The following HPS4 variants were observed in gnomAD, a reference collection of about 807,000 sequenced individuals.
HPS4 encodes the protein HPS4 biogenesis of lysosomal organelles complex 3 subunit 2, also known as BLOC-3 complex member HPS4.
A neutral mutation model predicts 70.3 loss-of-function variants in HPS4; 44 were observed. The observed-to-expected ratio is 0.63, with a 90% confidence interval of 0.49 to 0.80. HPS4 has a LOEUF of 0.80. HPS4 is among the 30% of genes least tolerant of loss of function. HPS4 has a pLI of 0.00. For synonymous variants in HPS4, 377 were observed against 355.9 expected (o/e 1.06, Z -0.67); for missense variants, 873 against 884.4 (o/e 0.99, Z 0.16).
In HPS4 at chr22:26,464,635, T is replaced by G. The variant is rs2088104199; in HGVS notation, c.995A>C (p.Asp332Ala). The G allele has an allele frequency of 6.2e-7, 1 of 1,613,818 alleles. No homozygotes were observed. Among genetic ancestry groups the G allele is most frequent in the African/African-American group, 1.3e-5 (1 of 75,060 alleles). The change falls in exon 11 of 14, where the codon GAT (aspartate) becomes GCT (alanine). Residue 332 changes from aspartate (D) to alanine (A), a missense_variant. Asp to Ala is a moderately radical substitution (Grantham distance 126). Coordinates refer to ENST00000398145, the MANE Select transcript of HPS4 (RefSeq NM_022081.6). ...TCCTGCGGGCCTGATGCTCTCCAGA[T>G]CATGGCCAGACAAGCATCCGTTCTC... ...RKENGCLSGH[D>A]LESIRPAGLH...
chr22:26,483,468 G>A (rs2091515620), intron 1 of HPS4, among the ~76,000 whole-genome samples: 1 of 152,252 alleles, frequency 6.6e-6, no homozygotes, highest in South Asian at 2.1e-4. Flanking sequence ...GCTAATGGCT[G>A]GAAAAGGGCC....
At position 26,464,296 on chromosome 22, in the gene HPS4, T is replaced by G; in HGVS notation, c.1334A>C (p.Asp445Ala). 6.2e-7 allele frequency: 1 copy of G among 1,614,034 alleles called. No homozygotes were observed. The highest frequency in any genetic ancestry group is 1.1e-5 in the South Asian group (1 of 91,090). ...TQHGAQEQLE[D>A]HPGHSSQAPI... ...GGCTTGGCTGCTATGGCCAGGATGG[T>G]CTTCGAGCTGCTCTTGGGCTCCATG... is the stretch of plus-strand genomic sequence containing the variant. The change falls in exon 11 of 14, where the codon GAC (aspartate) becomes GCC (alanine). Residue 445 changes from aspartate (D) to alanine (A), a missense_variant. Transcript: ENST00000398145.
rs2085137959 is a variant in HPS4, at chr22:26,450,930, G to A, written c.*2303C>T. 6.6e-6 allele frequency among the ~76,000 whole-genome samples: 1 copy of A among 152,198 alleles called. No homozygotes were observed. Among genetic ancestry groups the A allele is most frequent in the Admixed American group, 6.5e-5 (1 of 15,286 alleles). ...TCGGGTATGTCTTTATTAGAACCGT[G>A]AGAACGGACTAACACACCACTATTA... On this transcript the variant is annotated 3_prime_UTR_variant, in exon 14 of 14. Transcript: ENST00000398145.
intron 9 of HPS4, 148 bp downstream of exon 9, chr22:26,466,078 T>G: frequency 6.3e-7 from 1 of 1,576,410 alleles, no homozygotes; most frequent in Non-Finnish European, 8.6e-7. Context: ...GTAACTCGAT[T>G]CTTGAAGCTC....
Position 26,470,710 on chromosome 22 carries a change from G to C in HPS4, c.596+9C>G. On this transcript the variant is annotated intron_variant, in intron 7 of 13. Coordinates refer to ENST00000398145, the MANE Select transcript of HPS4 (RefSeq NM_022081.6). The stretch of plus-strand genomic sequence containing the variant: ...TGGGGCTGGAAGAAAGGGGTCTGGA[G>C]TTACTCACAGTCCTTTATAGAGGAT... The C allele has an allele frequency of 1.2e-6, 2 of 1,612,924 alleles. No individual in the cohort carries two copies. Among genetic ancestry groups the C allele is most frequent in the East Asian group, 2.2e-5 (1 of 44,884 alleles).
chr22:26,460,161 G>A (rs998552584), intron 11 of HPS4, among the ~76,000 whole-genome samples: 3 of 152,184 alleles, frequency 2.0e-5, no homozygotes, highest in Non-Finnish European at 4.4e-5. Context: ...CTCCTAGTAG[G>A]TGCTCAATAA....
chr22:26,447,801 T>A (rs1235464030), downstream of HPS4, among the ~76,000 whole-genome samples: 2 of 152,094 alleles, frequency 1.3e-5, no homozygotes, highest in African/African-American at 4.8e-5. Context: ...ATTGGTTTAC[T>A]TTCCGCCTCT....
At chr22:26,472,630 T>G (rs1329789995) in intron 5 of HPS4, among the ~76,000 whole-genome samples, 1 of 152,160 alleles carries the variant, frequency 6.6e-6, no homozygotes, top group African/African-American at 2.4e-5. Context: ...AGGGAGGAGA[T>G]GGGGATAAAC....
rs756332446 is a variant in HPS4 at position 26,451,230 on chromosome 22, G to A, written c.*2003C>T. On this transcript the variant is annotated 3_prime_UTR_variant, in exon 14 of 14. Transcript: ENST00000398145. ...GTCGCTTGGCCCGTACTCTGGGGGC[G>A]CTAATTTTGAGGGGATGGGCCTGGG... Among the ~76,000 whole-genome samples, 8 of 152,210 alleles carry A rather than the reference G, an allele frequency of 5.3e-5. No homozygotes were observed. Among genetic ancestry groups the A allele is most frequent in the Admixed American group, 1.3e-4 (2 of 15,282 alleles).
At position 26,464,166 on chromosome 22, in the gene HPS4, T is replaced by G. The variant is rs774728501; in HGVS notation, c.1464A>C (p.Gln488His). 1 of 1,614,242 alleles carries G rather than the reference T, an allele frequency of 6.2e-7. No individual in the cohort carries two copies. Among genetic ancestry groups the G allele is most frequent in the Non-Finnish European group, 8.5e-7 (1 of 1,180,042 alleles). The change falls in exon 11 of 14, where the codon CAA (glutamine) becomes CAC (histidine). Residue 488 changes from glutamine to histidine, a missense_variant. Physicochemically the swap from Gln to His is conservative, Grantham distance 24. Transcript: ENST00000398145. The stretch of plus-strand genomic sequence containing the variant: ...CCCCATCAACATCCTCATCCAGGCC[T>G]TGTTCCCCCGTGGGAAGCTTGTTTC... ...QRGNKLPTGE[Q>H]GLDEDVDGVC...
At chr22:26,479,073 C>A (rs183236994) in intron 3 of HPS4, among the ~76,000 whole-genome samples, 192 bp downstream of exon 3, 1 of 152,118 alleles carries the variant, frequency 6.6e-6, no homozygotes, top group Non-Finnish European at 1.5e-5. Flanking sequence ...AAGCTAAAGA[C>A]GATGAAAGTG....
chr22:26,468,429 T>C lies in HPS4; in HGVS notation c.669+122A>G, dbSNP rs7289202. On this transcript the variant is annotated intron_variant, in intron 8 of 13. Coordinates refer to ENST00000398145, the MANE Select transcript of HPS4 (RefSeq NM_022081.6). ...GAGAATGACATTGGAGGACTTGGGGTCCTGACAAGACCAAGTGAAACAACT... is the reference window on the plus strand; with the variant it reads ...GAGAATGACATTGGAGGACTTGGGGCCCTGACAAGACCAAGTGAAACAACT... 68,201 of 819,220 alleles carry C rather than the reference T, an allele frequency of 0.083. 3,106 individuals carry two copies. The highest frequency in any genetic ancestry group is 0.098 in the Non-Finnish European group (47,040 of 480,174). The allele number at this position is 819,220 out of a possible 1,614,324, so 50.7% of individuals were successfully genotyped here.
Position 26,479,281 on chromosome 22 carries a change from T to C in HPS4, c.116A>G (p.Tyr39Cys). ...GTGGCTTACCTGGGAAGGATAAAAG[T>C]AACAAATGCCAGCTCTTGTTGGATC... ...EGDPTRAGIC[Y>C]FYPSQTLLDQ... Residue 39 changes from tyrosine to cysteine, a missense_variant, in exon 3 of 14, where the codon TAC (tyrosine) becomes TGC (cysteine). Transcript: ENST00000398145. 1 of 1,614,166 alleles carries C rather than the reference T, an allele frequency of 6.2e-7. No homozygotes were observed. Among genetic ancestry groups the C allele is most frequent in the Non-Finnish European group, 8.5e-7 (1 of 1,180,002 alleles).
intron 3 of HPS4, among the ~76,000 whole-genome samples, chr22:26,478,726 C>G (rs764046728): frequency 7.3e-5 from 11 of 149,846 alleles, no homozygotes; most frequent in Non-Finnish European, 1.6e-4. Context: ...CTCTTATTGC[C>G]CAGGCTGGTG....
At chr22:26,465,013 C>T (rs1204322344) in intron 10 of HPS4, among the ~76,000 whole-genome samples, 187 bp from the exon 11 acceptor site, 3 of 152,228 alleles carry the variant, frequency 2.0e-5, no homozygotes, top group Admixed American at 6.5e-5. Flanking sequence ...TGGGGCTTTA[C>T]GTAGTGACAC....
intron 3 of HPS4, among the ~76,000 whole-genome samples, 158 bp downstream of exon 3, chr22:26,479,107 A>T (rs575924960): frequency 6.6e-6 from 1 of 152,370 alleles, no homozygotes; most frequent in African/African-American, 2.4e-5. Flanking sequence ...AAATTTTAAG[A>T]CCAGAACAAC....
rs529798826 is a variant in HPS4, at chr22:26,472,371, C to T, written c.432G>A (p.Glu144=). Residue 144 remains glutamate, a synonymous_variant, in exon 6 of 14, where the codon GAG becomes GAA. Transcript: ENST00000398145. ...ELSTEWDTFI[E]QILKNTSDLH... Reference sequence around the variant, plus strand: ...GATCACTGGTGTTTTTCAGAATTTGCTCGATGAAGGTGTCCCACTCCGTGC... The same window carrying T: ...GATCACTGGTGTTTTTCAGAATTTGTTCGATGAAGGTGTCCCACTCCGTGC... 4.3e-6 allele frequency: 7 copies of T among 1,613,952 alleles called. No homozygotes were observed. In the African/African-American group the frequency reaches 8.0e-5, roughly 18 times the overall value.
downstream of HPS4, among the ~76,000 whole-genome samples, chr22:26,448,832 T>C (rs375592213): frequency 6.6e-6 from 1 of 152,164 alleles, no homozygotes; most frequent in Non-Finnish European, 1.5e-5. Flanking sequence ...TGAAGAAAGA[T>C]CTAGAGTATG....
intron 1 of HPS4, among the ~76,000 whole-genome samples, chr22:26,482,528 A>G (rs1247394267): frequency 6.6e-6 from 1 of 152,190 alleles, no homozygotes; most frequent in Non-Finnish European, 1.5e-5. Flanking sequence ...GTAATAATGG[A>G]ACCCAAATTA....
Sources: allele counts gnomAD v4.1 joint callset (sites outside exome capture counted in the v4.1 genomes callset), GRCh38; gene constraint gnomAD v4.1.1; transcripts MANE v1.5; gene names NCBI Gene and HGNC (gene_info 2026-07-23, HGNC 2026-07-21).